CNTNAP2: variants seen among roughly 807,000 people sequenced by gnomAD.
CNTNAP2 encodes contactin associated protein 2.
A neutral mutation model predicts 155.2 loss-of-function variants in CNTNAP2; 98 were observed. The ratio of observed to expected loss-of-function variants is 0.63; its 90% CI spans 0.54 to 0.75. CNTNAP2 has a LOEUF of 0.75. Among genes scored for constraint, CNTNAP2 ranks in the 30% least tolerant of loss-of-function variants. The pLI, the probability that CNTNAP2 is intolerant of heterozygous loss-of-function variation, is 0.00. For missense variants in CNTNAP2, 1,727 were observed against 1,688.1 expected (o/e 1.02, Z -0.40); for synonymous variants, 651 against 631.2 (o/e 1.03, Z -0.47).
chr7:146,397,087 A>T (rs996962582), intron 1 of CNTNAP2, among the ~76,000 whole-genome samples: 4 of 152,160 alleles, frequency 2.6e-5, no homozygotes, highest in Non-Finnish European at 5.9e-5. Flanking sequence ...TCCAACTAGA[A>T]TGAAGAGATG....
intron 13 of CNTNAP2, among the ~76,000 whole-genome samples, chr7:147,719,900 T>C (rs1277536879): frequency 1.3e-5 from 2 of 152,186 alleles, no homozygotes; most frequent in Admixed American, 6.5e-5. Flanking sequence ...ACTACTGTGA[T>C]TGAAGATTTC....
chr7:146,966,918 G>A (rs1249130249), intron 3 of CNTNAP2, among the ~76,000 whole-genome samples: 2 of 152,076 alleles, frequency 1.3e-5, no homozygotes, highest in East Asian at 1.9e-4. Flanking sequence ...ATCACACAAC[G>A]CATGGTAGCC....
intron 16 of CNTNAP2, among the ~76,000 whole-genome samples, chr7:148,119,849 GC>G (rs1266087880): frequency 6.6e-6 from 1 of 151,956 alleles, no homozygotes; most frequent in African/African-American, 2.4e-5. Flanking sequence ...GATGCCCATG[GC>G]AGATCTGATC....
intron 1 of CNTNAP2, among the ~76,000 whole-genome samples, chr7:146,268,902 C>T (rs1200664746): frequency 6.6e-6 from 1 of 152,176 alleles, no homozygotes; most frequent in Non-Finnish European, 1.5e-5. Context: ...AGCTGAAATA[C>T]ACTGGAAACA....
chr7:146,213,282 T>C (rs73739555), intron 1 of CNTNAP2, among the ~76,000 whole-genome samples: 4,584 of 152,302 alleles, frequency 0.03, 234 homozygotes, highest in African/African-American at 0.11. Context: ...GCTTCTATGG[T>C]AGCCATAAAT....
At chr7:147,080,684 ATATC>A (rs1270174909) in intron 4 of CNTNAP2, among the ~76,000 whole-genome samples, 1 of 148,190 alleles carries the variant, frequency 6.7e-6, no homozygotes, top group Non-Finnish European at 1.5e-5. Context: ...TATAACATAT[ATATC>A]TATATATAAA....
At chr7:147,058,416 A>G (rs1222131861) in intron 4 of CNTNAP2, among the ~76,000 whole-genome samples, 1 of 152,214 alleles carries the variant, frequency 6.6e-6, no homozygotes, top group East Asian at 1.9e-4. Flanking sequence ...ATTCTATTAT[A>G]GAATACACTT....
intron 6 of CNTNAP2, chr7:147,122,928 G>A (rs990073104): frequency 7.9e-5 from 12 of 151,710 alleles, no homozygotes; most frequent in African/African-American, 2.4e-4. Context: ...AAAATAAATG[G>A]AAAAAACAGG....
At chr7:147,802,539 C>T (rs537272504) in intron 13 of CNTNAP2, among the ~76,000 whole-genome samples, 15 of 152,286 alleles carry the variant, frequency 9.8e-5, no homozygotes, top group Admixed American at 2.0e-4. Flanking sequence ...CTCGGGAGGC[C>T]GAGGCTGGCG....
At chr7:147,166,477 C>T (rs1476540604) in intron 8 of CNTNAP2, among the ~76,000 whole-genome samples, 1 of 152,076 alleles carries the variant, frequency 6.6e-6, no homozygotes, top group Non-Finnish European at 1.5e-5. Context: ...CAAAATCTCA[C>T]AAATCACCAC....
At chr7:147,851,655 C>T (rs1798943838) in intron 13 of CNTNAP2, among the ~76,000 whole-genome samples, 1 of 150,970 alleles carries the variant, frequency 6.6e-6, no homozygotes. Context: ...CAAACTATCA[C>T]AAGGACAGAA....
At chr7:147,556,855 G>T (rs186938416) in intron 11 of CNTNAP2, among the ~76,000 whole-genome samples, 1 of 152,278 alleles carries the variant, frequency 6.6e-6, no homozygotes, top group Non-Finnish European at 1.5e-5. Flanking sequence ...TCTGTCATTT[G>T]TTAGAGCAGC....
intron 1 of CNTNAP2, among the ~76,000 whole-genome samples, chr7:146,380,481 T>A (rs991036521): frequency 3.3e-5 from 5 of 152,124 alleles, no homozygotes; most frequent in Non-Finnish European, 5.9e-5. Flanking sequence ...GCATTTCTGG[T>A]TTTGTCTCTT....
chr7:146,153,301 T>C lies in CNTNAP2; in HGVS notation c.97+36328T>C, dbSNP rs548308888. Reference sequence around the variant, plus strand: ...GTTACACGTTCCAACCAGAGCTATGTTGAACTAGAGTACACAGGAGAGCTT... The same window carrying C: ...GTTACACGTTCCAACCAGAGCTATGCTGAACTAGAGTACACAGGAGAGCTT... On this transcript the variant is annotated intron_variant, in intron 1 of 23. Transcript: ENST00000361727. Among the ~76,000 whole-genome samples the C allele has an allele frequency of 2.0e-5, 3 of 152,264 alleles. No individual in the cohort carries two copies. In the South Asian group the frequency reaches 6.2e-4, roughly 32 times the overall value.
chr7:146,490,296 T>C (rs1297219973), intron 1 of CNTNAP2, among the ~76,000 whole-genome samples: 1 of 152,242 alleles, frequency 6.6e-6, no homozygotes. Flanking sequence ...GTGAATAATA[T>C]AAACCTGTCT....
intron 21 of CNTNAP2, among the ~76,000 whole-genome samples, chr7:148,283,275 G>A (rs1433410591): frequency 5.5e-5 from 4 of 72,686 alleles, no homozygotes; most frequent in Non-Finnish European, 8.0e-5. Flanking sequence ...AAGAAAGAAA[G>A]AAAGAAAGAA....
intron 1 of CNTNAP2, among the ~76,000 whole-genome samples, chr7:146,467,782 T>A (rs1463752238): frequency 6.6e-6 from 1 of 152,154 alleles, no homozygotes. Context: ...ATAACTATAT[T>A]TACATATGCT....
At chr7:147,388,465 C>T (rs1279316242) in intron 9 of CNTNAP2, among the ~76,000 whole-genome samples, 1 of 152,160 alleles carries the variant, frequency 6.6e-6, no homozygotes, top group African/African-American at 2.4e-5. Context: ...GTATATTGAC[C>T]AAATATACAA....
At chr7:147,194,831 G>T (rs936323336) in intron 8 of CNTNAP2, among the ~76,000 whole-genome samples, 3 of 152,166 alleles carry the variant, frequency 2.0e-5, no homozygotes, top group African/African-American at 7.2e-5. Flanking sequence ...AACTTTGTCA[G>T]ATGGGTAGAT....
Sources: gnomAD v4.1 joint callset for allele counts (sites outside exome capture counted in the v4.1 genomes callset) on GRCh38, gnomAD v4.1.1 for gene constraint, MANE v1.5 for transcripts, NCBI Gene and HGNC (gene_info 2026-07-23, HGNC 2026-07-21) for gene names.